The following SALL3 variants were observed in gnomAD, a reference collection of about 807,000 sequenced individuals.
SALL3 encodes the protein spalt like transcription factor 3.
A neutral mutation model predicts 66.2 loss-of-function variants in SALL3; 25 were observed. The observed-to-expected ratio is 0.38, with a 90% confidence interval of 0.28 to 0.53. The LOEUF (loss-of-function observed/expected upper bound fraction) is 0.53, where lower values mean the gene tolerates loss of function less well. SALL3 is among the 20% of genes least tolerant of loss of function. The probability of loss-of-function intolerance (pLI) is 0.85; values close to 1 mark genes in which losing one functional copy is unlikely to be tolerated. For missense variants in SALL3, 2,194 were observed against 1,916.5 expected (o/e 1.14, Z -2.70); for synonymous variants, 1,152 against 899.1 (o/e 1.28, Z -5.03).
chr18:78,996,305 A>G (rs929307029), intron 2 of SALL3, among the ~76,000 whole-genome samples: 1 of 152,220 alleles, frequency 6.6e-6, no homozygotes, highest in African/African-American at 2.4e-5. Context: ...GCACGTTTGC[A>G]AAGCCAGCCT....
rs780661961 is a variant in SALL3 at position 78,997,346 on chromosome 18, G to A, written c.*24G>A. On this transcript the variant is annotated 3_prime_UTR_variant, in exon 3 of 3. Coordinates refer to ENST00000537592, the MANE Select transcript of SALL3 (RefSeq NM_171999.4). The stretch of plus-strand genomic sequence containing the variant: ...AGCCAGTGACTCGCTCATCTGCCCT[G>A]CCCAGGCCCACGTTTTGAAGTTGGA... 1.3e-6 allele frequency: 2 copies of A among 1,594,476 alleles called. No homozygotes were observed. The highest frequency in any genetic ancestry group is 1.3e-5 in the African/African-American group (1 of 74,586).
At position 78,993,712 on chromosome 18, in the gene SALL3, A is replaced by C; in HGVS notation, c.1721A>C (p.Glu574Ala). 6.4e-7 allele frequency: 1 copy of C among 1,559,928 alleles called. No individual in the cohort carries two copies. The highest frequency in any genetic ancestry group is 2.3e-5 in the East Asian group (1 of 43,976). Residue 574 changes from glutamate (E) to alanine (A), a missense_variant, in exon 2 of 3, where the codon GAG (glutamate) becomes GCG (alanine). Transcript: ENST00000537592. ...TTGTCCCCAGGCCTCAACCACGTGG[A>C]GTCCGGCGTGTCGGCCACCGCCGAG... ...ASLSPGLNHVESGVSATAESP... is the reference protein window; with the variant it reads ...ASLSPGLNHVASGVSATAESP...
At chr18:78,980,692 G>GC (rs1217666665) in intron 1 of SALL3, among the ~76,000 whole-genome samples, 2 of 151,810 alleles carry the variant, frequency 1.3e-5, no homozygotes, top group African/African-American at 2.4e-5. Flanking sequence ...CCGCCGCGCC[G>GC]CCCCCCAGGG....
chr18:78,994,592 C>CGG lies in SALL3; in HGVS notation c.2603_2604dup (p.Ser869GlyfsTer8). ...TGACCGGCCTCAAGTCCGTGGAGAACGGGTCCGGGGAGAGTGACCGCCTGA... is the reference window on the plus strand; with the variant it reads ...TGACCGGCCTCAAGTCCGTGGAGAACGGGGGTCCGGGGAGAGTGACCGCCTGA... On this transcript the variant is annotated frameshift_variant, in exon 2 of 3. Transcript: ENST00000537592. LOFTEE classifies it high-confidence loss of function. 1 of 1,610,748 alleles carries CGG rather than the reference C, an allele frequency of 6.2e-7. No individual in the cohort carries two copies.
chr18:78,996,728 T>G (rs1914706039), intron 2 of SALL3, among the ~76,000 whole-genome samples, 163 bp from the exon 3 acceptor site: 1 of 152,254 alleles, frequency 6.6e-6, no homozygotes, highest in Non-Finnish European at 1.5e-5. Context: ...ACAAGATGTT[T>G]GCATGTAGAA....
intron 1 of SALL3, among the ~76,000 whole-genome samples, chr18:78,991,233 C>T (rs1213899045): frequency 1.3e-5 from 2 of 152,054 alleles, no homozygotes; most frequent in Non-Finnish European, 2.9e-5. Context: ...ATAACAGTAA[C>T]ATGTAATTTT....
intron 1 of SALL3, among the ~76,000 whole-genome samples, chr18:78,986,239 A>G (rs984437147): frequency 3.3e-5 from 5 of 152,208 alleles, no homozygotes; most frequent in African/African-American, 1.2e-4. Flanking sequence ...AAATGTTTTA[A>G]GCAGAAGACA....
rs1913972932 is a variant in SALL3 at position 78,980,309 on chromosome 18, T to C, written c.35T>C (p.Leu12Pro). The change falls in exon 1 of 3, where the codon CTC becomes CCC. Residue 12 changes from leucine to proline, a missense_variant. By Grantham distance (98) the Leu-to-Pro change is moderately conservative. Transcript: ENST00000537592. ...CGCAAGCAGGCCAAGCCCCAGCACC[T>C]CAAGTCGGACGAGGAGCTGCTGCCG... ...SRRKQAKPQH[L>P]KSDEELLPPD... 1 of 1,433,580 alleles carries C rather than the reference T, an allele frequency of 7.0e-7. No homozygotes were observed. The highest frequency in any genetic ancestry group is 1.3e-5 in the South Asian group (1 of 75,516). The allele number at this position is 1,433,580 out of a possible 1,614,324, so 88.8% of individuals were successfully genotyped here.
Position 78,994,150 on chromosome 18 carries a change from G to A in SALL3, c.2159G>A (p.Gly720Asp). The stretch of plus-strand genomic sequence containing the variant: ...TGCGGCCGCGCCTTCACCACCAAGG[G>A]CAACCTCAAGACGCACTTCGGCGTG... ...KICGRAFTTK[G>D]NLKTHFGVHR... The change falls in exon 2 of 3, where the codon GGC becomes GAC. Residue 720 changes from glycine to aspartate, a missense_variant. By Grantham distance (94) the Gly-to-Asp change is moderately conservative. Transcript: ENST00000537592. 2 of 1,613,036 alleles carry A rather than the reference G, an allele frequency of 1.2e-6. No individual in the cohort carries two copies. The highest frequency in any genetic ancestry group is 1.7e-6 in the Non-Finnish European group (2 of 1,179,992).
chr18:78,994,756 T>C lies in SALL3; in HGVS notation c.2765T>C (p.Leu922Pro), dbSNP rs1156785837. Residue 922 changes from leucine (L) to proline (P), a missense_variant, in exon 2 of 3, where the codon CTG becomes CCG. By Grantham distance (98) the Leu-to-Pro change is moderately conservative. Coordinates refer to ENST00000537592, the MANE Select transcript of SALL3 (RefSeq NM_171999.4). ...GESFRSKSPG[L>P]GAPEEPQEIP... Reference sequence around the variant, plus strand: ...AGCTTCCGCTCCAAGTCCCCGGGCCTGGGCGCCCCGGAGGAGCCCCAGGAA... The same window carrying C: ...AGCTTCCGCTCCAAGTCCCCGGGCCCGGGCGCCCCGGAGGAGCCCCAGGAA... 2 of 1,601,644 alleles carry C rather than the reference T, an allele frequency of 1.2e-6. No homozygotes were observed. Among genetic ancestry groups the C allele is most frequent in the African/African-American group, 1.3e-5 (1 of 74,894 alleles).
chr18:78,982,599 C>A (rs1914111314), intron 1 of SALL3, among the ~76,000 whole-genome samples: 1 of 152,150 alleles, frequency 6.6e-6, no homozygotes. Flanking sequence ...TACTCGGTCG[C>A]ACTCAGCATC....
At chr18:78,986,932 GAAGA>G (rs1914264912) in intron 1 of SALL3, among the ~76,000 whole-genome samples, 1 of 152,022 alleles carries the variant, frequency 6.6e-6, no homozygotes, top group Non-Finnish European at 1.5e-5. Context: ...TGAAATTTTT[GAAGA>G]AAGCATCGTC....
rs1280969588 is a variant in SALL3 at position 78,995,317 on chromosome 18, C to A, written c.3326C>A (p.Thr1109Lys). 6.4e-7 allele frequency: 1 copy of A among 1,568,992 alleles called. No individual in the cohort carries two copies. The highest frequency in any genetic ancestry group is 8.6e-7 in the Non-Finnish European group (1 of 1,162,988). Residue 1109 changes from threonine to lysine, a missense_variant, in exon 2 of 3, where the codon ACG becomes AAG. Physicochemically the swap from Thr to Lys is moderately conservative, Grantham distance 78. Transcript: ENST00000537592. ...ATGCTGGCCCCCCCACCGCGCCGGA[C>A]GCCCAAGCAGCACAACTGCCAGTCG... ...APMLAPPPRR[T>K]PKQHNCQSCG...
chr18:78,988,856 AT>A (rs1409298258), intron 1 of SALL3, among the ~76,000 whole-genome samples: 4 of 152,120 alleles, frequency 2.6e-5, no homozygotes, highest in Admixed American at 6.5e-5. Context: ...TTGTATTGAA[AT>A]TTTTTTCCTT....
In SALL3 at chr18:78,980,274, C is replaced by T. The variant is rs1442820877; in HGVS notation, c.-1C>T. On this transcript the variant is annotated 5_prime_UTR_variant, in exon 1 of 3. Transcript: ENST00000537592. The stretch of plus-strand genomic sequence containing the variant: ...CGCGGGGCCCGAGCGCCGCTAGCAG[C>T]ATGTCTCGGCGCAAGCAGGCCAAGC... The T allele has an allele frequency of 6.6e-6, 9 of 1,366,502 alleles. No homozygotes were observed. The highest frequency in any genetic ancestry group is 2.6e-5 in the Admixed American group (1 of 38,676). 84.6% of individuals were successfully genotyped at this position (1,366,502 alleles called of 1,614,324 possible).
At chr18:78,984,508 G>C (rs547269676) in intron 1 of SALL3, among the ~76,000 whole-genome samples, 80 of 151,950 alleles carry the variant, frequency 5.3e-4, no homozygotes, top group Admixed American at 1.2e-3. Flanking sequence ...ACATGTTTTA[G>C]TCTTGGAAGG....
intron 1 of SALL3, among the ~76,000 whole-genome samples, chr18:78,980,716 A>G (rs1914018358): frequency 8.1e-6 from 1 of 122,986 alleles, no homozygotes. Flanking sequence ...CTGCGCCAGG[A>G]CGCTGAGGCC....
Position 78,994,956 on chromosome 18 carries a change from A to G in SALL3, c.2965A>G (p.Lys989Glu). ...CGVCGKPFAC[K>E]SALEIHYRSH... Reference sequence around the variant, plus strand: ...TGTCTGTGGCAAGCCTTTTGCTTGCAAGAGCGCGTTGGAAATCCACTACCG... The same window carrying G: ...TGTCTGTGGCAAGCCTTTTGCTTGCGAGAGCGCGTTGGAAATCCACTACCG... Residue 989 changes from lysine (K) to glutamate (E), a missense_variant, in exon 2 of 3, where the codon AAG becomes GAG. Coordinates refer to ENST00000537592, the MANE Select transcript of SALL3 (RefSeq NM_171999.4). 1 of 1,613,748 alleles carries G rather than the reference A, an allele frequency of 6.2e-7. No individual in the cohort carries two copies. The highest frequency in any genetic ancestry group is 8.5e-7 in the Non-Finnish European group (1 of 1,179,992).
intron 1 of SALL3, among the ~76,000 whole-genome samples, chr18:78,982,129 A>G (rs1189203147): frequency 6.6e-6 from 1 of 152,226 alleles, no homozygotes; most frequent in African/African-American, 2.4e-5. Context: ...ACTGCTATTC[A>G]TTTTTAATTT....
Sources: gnomAD v4.1 joint callset for allele counts (sites outside exome capture counted in the v4.1 genomes callset) on GRCh38, gnomAD v4.1.1 for gene constraint, MANE v1.5 for transcripts, NCBI Gene and HGNC (gene_info 2026-07-23, HGNC 2026-07-21) for gene names.